FBXW8: variants seen among roughly 807,000 people sequenced by gnomAD.
The protein encoded by FBXW8 is F-box/WD repeat-containing protein 8.
FBXW8 carries 57 observed loss-of-function variants against 65.3 expected under a neutral mutation model. That is an observed-to-expected ratio of 0.87 (90% CI 0.71 to 1.09). The LOEUF (loss-of-function observed/expected upper bound fraction) is 1.09. Ranked by LOEUF, FBXW8 falls within the 50% of genes least tolerant of loss-of-function variation. The pLI is 0.00. For synonymous variants in FBXW8, 308 were observed against 330.2 expected (o/e 0.93, Z 0.73); for missense variants, 777 against 814.8 (o/e 0.95, Z 0.57).
At position 117,028,053 on chromosome 12, in the gene FBXW8, G is replaced by A. The variant is rs767961305; in HGVS notation, c.1678G>A (p.Glu560Lys). ...RRHRGLIRAY[E>K]FAVDQLAFQS... Reference sequence around the variant, plus strand: ...ACACCGGGGGCTGATCCGCGCCTATGAGTTTGCGGTGGACCAGCTGGCCTT... The same window carrying A: ...ACACCGGGGGCTGATCCGCGCCTATAAGTTTGCGGTGGACCAGCTGGCCTT... The change falls in exon 11 of 11, where the codon GAG (glutamate) becomes AAG (lysine). Residue 560 changes from glutamate (E) to lysine (K), a missense_variant. Transcript: ENST00000652555. This position sits in a 1 kb window ranked among gnomAD's most constrained non-coding sequence, Gnocchi z 4.1. The A allele has an allele frequency of 6.8e-6, 11 of 1,613,960 alleles. No individual in the cohort carries two copies. The highest frequency in any genetic ancestry group is 3.3e-4 in the Middle Eastern group (2 of 6,082).
chr12:117,016,215 G>A (rs1004837967), intron 8 of FBXW8, among the ~76,000 whole-genome samples: 2 of 152,190 alleles, frequency 1.3e-5, no homozygotes, highest in Non-Finnish European at 2.9e-5. Flanking sequence ...TGGTAATTCT[G>A]TGTTAAACCA....
In FBXW8 at chr12:117,024,363, C is replaced by G. The variant is rs114946895; in HGVS notation, c.1541+43C>G. The G allele has an allele frequency of 1.6e-3, 2,577 of 1,607,778 alleles. 34 individuals carry two copies. In the African/African-American group the frequency reaches 0.029, roughly 18 times the overall value. On this transcript the variant is annotated intron_variant, in intron 9 of 10. Coordinates refer to ENST00000652555, the MANE Select transcript of FBXW8 (RefSeq NM_153348.3). Reference sequence around the variant, plus strand: ...CACTCTTGGGAGTTCCTAGTAGGAACAGGGAAGGCAGCACTAATCAGCCTG... The same window carrying G: ...CACTCTTGGGAGTTCCTAGTAGGAAGAGGGAAGGCAGCACTAATCAGCCTG...
chr12:117,002,266 G>T (rs1468564270), intron 7 of FBXW8, among the ~76,000 whole-genome samples: 1 of 152,234 alleles, frequency 6.6e-6, no homozygotes, highest in Admixed American at 6.5e-5. Flanking sequence ...CCTACCCAGC[G>T]CCTGGCGACG....
intron 1 of FBXW8, among the ~76,000 whole-genome samples, chr12:116,922,706 T>C (rs1880996959): frequency 6.6e-6 from 1 of 152,210 alleles, no homozygotes; most frequent in African/African-American, 2.4e-5. Context: ...TCTTTGCAAT[T>C]TCTCTCAGTG....
chr12:116,914,572 CAAAAAAAAAA>C (rs142680270), intron 1 of FBXW8, among the ~76,000 whole-genome samples: 1 of 83,790 alleles, frequency 1.2e-5, no homozygotes, highest in Non-Finnish European at 2.1e-5. Context: ...AACCCTGTCT[CAAAAAAAAAA>C]AAAAAAAAAA....
chr12:116,955,137 C>T (rs1468014916), intron 4 of FBXW8, among the ~76,000 whole-genome samples: 1 of 151,244 alleles, frequency 6.6e-6, no homozygotes, highest in African/African-American at 2.4e-5. Flanking sequence ...GAAAGGAAAA[C>T]TCCCCTTCGG....
chr12:116,939,225 C>G (rs188270219), intron 2 of FBXW8, among the ~76,000 whole-genome samples: 1 of 152,168 alleles, frequency 6.6e-6, no homozygotes, highest in Non-Finnish European at 1.5e-5. Flanking sequence ...AAATTAGAAA[C>G]TTTTTCAGTG....
At chr12:117,006,386 T>C (rs1308532302) in intron 7 of FBXW8, among the ~76,000 whole-genome samples, 1 of 152,232 alleles carries the variant, frequency 6.6e-6, no homozygotes, top group Non-Finnish European at 1.5e-5. Context: ...AGGAAGAAGT[T>C]GGTCTGCCTT....
chr12:116,928,254 G>A (rs1881486876), intron 2 of FBXW8, 127 bp downstream of exon 2: 3 of 684,490 alleles, frequency 4.4e-6, no homozygotes, highest in Admixed American at 3.0e-5. Context: ...TGGATGGCAA[G>A]TTTACTTGAA....
intron 5 of FBXW8, among the ~76,000 whole-genome samples, chr12:116,979,923 G>A (rs1356749339): frequency 6.6e-6 from 1 of 152,162 alleles, no homozygotes; most frequent in Non-Finnish European, 1.5e-5. Context: ...TTGGGCAGGG[G>A]GTTGTCTCCT....
At chr12:116,950,362 C>T (rs1047258068) in intron 4 of FBXW8, 1 of 152,320 alleles carries the variant, frequency 6.6e-6, no homozygotes, top group East Asian at 1.9e-4. Flanking sequence ...TCATGAACTA[C>T]AGCCTCAGAC....
intron 5 of FBXW8, among the ~76,000 whole-genome samples, chr12:116,967,995 T>C (rs892859859): frequency 1.3e-5 from 2 of 152,178 alleles, no homozygotes; most frequent in Non-Finnish European, 2.9e-5. Flanking sequence ...CTCGAACTCC[T>C]GACCTCAAGT....
chr12:117,008,683 C>T (rs552756408), intron 7 of FBXW8, among the ~76,000 whole-genome samples: 1 of 152,194 alleles, frequency 6.6e-6, no homozygotes, highest in Non-Finnish European at 1.5e-5. Flanking sequence ...ATTAACTTCT[C>T]AATACTAAAG....
At position 116,967,742 on chromosome 12, in the gene FBXW8, C is replaced by T. The variant is rs139339751; in HGVS notation, c.835+2888C>T. 1.2e-4 allele frequency among the ~76,000 whole-genome samples: 19 copies of T among 152,118 alleles called. No individual in the cohort carries two copies. The East Asian group carries it at 2.3e-3, about 19-fold the overall frequency. ...AAATAATCCTTGCCATATGTGTTTCCGATATTTTTTCCGTAAGTCACTTAT... is the reference window on the plus strand; with the variant it reads ...AAATAATCCTTGCCATATGTGTTTCTGATATTTTTTCCGTAAGTCACTTAT... On this transcript the variant is annotated intron_variant, in intron 5 of 10. Transcript: ENST00000652555.
At chr12:116,941,133 G>C (rs1882535817) in intron 2 of FBXW8, among the ~76,000 whole-genome samples, 3 of 152,220 alleles carry the variant, frequency 2.0e-5, no homozygotes, top group Admixed American at 2.0e-4. Context: ...CTAACATTCA[G>C]ACTGCCTGTT....
chr12:116,962,469 T>C (rs924418960), intron 4 of FBXW8, among the ~76,000 whole-genome samples: 2 of 152,160 alleles, frequency 1.3e-5, no homozygotes, highest in Non-Finnish European at 2.9e-5. Context: ...CACCCTCGCC[T>C]CCCCACTGTG....
intron 4 of FBXW8, among the ~76,000 whole-genome samples, chr12:116,964,382 G>C (rs1884175703): frequency 6.6e-6 from 1 of 152,204 alleles, no homozygotes; most frequent in Non-Finnish European, 1.5e-5. Flanking sequence ...CCCTGTAGTG[G>C]GAGAGCTTGC....
intron 2 of FBXW8, among the ~76,000 whole-genome samples, chr12:116,934,983 C>A (rs759317012): frequency 4.6e-5 from 7 of 152,154 alleles, no homozygotes; most frequent in Non-Finnish European, 8.8e-5. Flanking sequence ...ATCTCTAACC[C>A]CTGGCAACCA....
intron 2 of FBXW8, among the ~76,000 whole-genome samples, chr12:116,935,973 A>G (rs771800519): frequency 4.6e-5 from 7 of 152,222 alleles, no homozygotes; most frequent in Non-Finnish European, 1.0e-4. Flanking sequence ...ACTGTTCTAT[A>G]TAGTGAAGAC....
Sources: gnomAD v4.1 joint callset for allele counts (sites outside exome capture counted in the v4.1 genomes callset) on GRCh38, gnomAD v4.1.1 for gene constraint, Gnocchi (gnomAD v3.1) non-coding constraint, MANE v1.5 for transcripts, NCBI Gene and HGNC (gene_info 2026-07-23, HGNC 2026-07-21) for gene names.